AZIN2: variants seen among roughly 807,000 people sequenced by gnomAD.
The protein encoded by AZIN2 is ODC antizyme inhibitor-2.
A neutral mutation model predicts 47.8 loss-of-function variants in AZIN2; 28 were observed. The ratio of observed to expected loss-of-function variants is 0.59; its 90% CI spans 0.43 to 0.80. The LOEUF is 0.80. AZIN2 is among the 30% of genes least tolerant of loss of function. The probability of loss-of-function intolerance (pLI) is 0.00; values close to 1 mark genes in which losing one functional copy is unlikely to be tolerated. For missense variants in AZIN2, 535 were observed against 582.5 expected (o/e 0.92, Z 0.84); for synonymous variants, 221 against 239.4 (o/e 0.92, Z 0.71).
chr1:33,101,831 A>T lies in AZIN2; in HGVS notation c.1029+3652A>T, dbSNP rs544177933. On this transcript the variant is annotated intron_variant, in intron 10 of 11. Transcript: ENST00000294517. The stretch of plus-strand genomic sequence containing the variant: ...TTGGGCTTTTTCTCCCTCATATCAC[A>T]GTCTAAGAACCACTCACCCTGCTAC... 3.3e-5 allele frequency: 26 copies of T among 779,000 alleles called. 1 individual carries two copies. The East Asian group carries it at 5.8e-4, about 17-fold the overall frequency. The allele number at this position is 779,000 out of a possible 1,614,324, so 48.3% of individuals were successfully genotyped here.
At chr1:33,165,788 C>T in the AZIN2 span, 1 of 406,474 alleles carries the variant, frequency 2.5e-6, no homozygotes, top group Non-Finnish European at 4.4e-6. The surrounding 1 kb of genome is among the most constrained non-coding windows in gnomAD (Gnocchi z 4.0). Context: ...CAACAACCTC[C>T]TCCTCTTTGG....
At chr1:33,084,215 A>C (rs1641616606) in intron 5 of AZIN2, 88 bp downstream of exon 5, 1 of 1,520,296 alleles carries the variant, frequency 6.6e-7, no homozygotes, top group African/African-American at 1.4e-5. Context: ...CTGGGGAGCA[A>C]GAGGTACCTG....
intron 10 of AZIN2, among the ~76,000 whole-genome samples, chr1:33,098,451 T>C (rs930888753): frequency 6.6e-6 from 1 of 152,216 alleles, no homozygotes; most frequent in East Asian, 1.9e-4. Context: ...TCCATGCCAT[T>C]AACTGATCTT....
At chr1:33,110,140 G>A (rs776807298) in intron 10 of AZIN2, among the ~76,000 whole-genome samples, 1 of 152,158 alleles carries the variant, frequency 6.6e-6, no homozygotes, top group African/African-American at 2.4e-5. Flanking sequence ...TTTGATCTTG[G>A]TAGTGATTGG....
At chr1:33,099,192 AG>A (rs1005984090) in intron 10 of AZIN2, among the ~76,000 whole-genome samples, 3 of 152,094 alleles carry the variant, frequency 2.0e-5, no homozygotes, top group African/African-American at 7.2e-5. Context: ...GTTTTTCAAA[AG>A]TCAGTCAGAG....
At chr1:33,158,398 C>T in the AZIN2 span, 147 of 1,596,084 alleles carry the variant, frequency 9.2e-5, 1 homozygote, top group East Asian at 3.0e-3. Context: ...GGGGGCTGCA[C>T]CAGGGACTGG....
At chr1:33,133,080 G>T in the AZIN2 span, among the ~76,000 whole-genome samples, 1 of 152,254 alleles carries the variant, frequency 6.6e-6, no homozygotes. Flanking sequence ...GGCCCAGTGG[G>T]TCAGGAGAGA....
chr1:33,146,880 CCCT>C, the AZIN2 span: 1 of 436,028 alleles, frequency 2.3e-6, no homozygotes, highest in Non-Finnish European at 4.2e-6. Context: ...AGTCCCCTGC[CCCT>C]GAGAAGATGG....
At chr1:33,136,308 CTTTCTTTCTT>C in the AZIN2 span, among the ~76,000 whole-genome samples, 1 of 131,808 alleles carries the variant, frequency 7.6e-6, no homozygotes, top group Non-Finnish European at 1.7e-5. Context: ...CTTTTTCTTT[CTTTCTTTCTT>C]TTTCTTTCTT....
rs1644789310 is a variant in AZIN2, at chr1:33,121,300, AC to A, written c.*1119del. On this transcript the variant is annotated 3_prime_UTR_variant, in exon 12 of 12. Coordinates refer to ENST00000294517, the MANE Select transcript of AZIN2 (RefSeq NM_052998.4). The stretch of plus-strand genomic sequence containing the variant: ...TGCAGAAGCCTGGGTGCAGTGGCTC[AC>A]ACCTGTAATCCCAGCACTTTGGGAG... Among the ~76,000 whole-genome samples, 1 of 152,232 alleles carries A rather than the reference AC, an allele frequency of 6.6e-6. No homozygotes were observed. Among genetic ancestry groups the A allele is most frequent in the Non-Finnish European group, 1.5e-5 (1 of 68,040 alleles).
chr1:33,098,063 G>A lies in AZIN2; in HGVS notation c.917-4G>A. 6.2e-7 allele frequency: 1 copy of A among 1,611,136 alleles called. No individual in the cohort carries two copies. On this transcript the variant is annotated splice_region_variant and splice_polypyrimidine_tract_variant and intron_variant, in intron 9 of 11. Transcript: ENST00000294517. ...TGCTGCCTCTGAACCCTCCCCTCCT[G>A]CAGAGGAAAATGGTTCCACCTCCAA... is the stretch of plus-strand genomic sequence containing the variant.
the AZIN2 span, among the ~76,000 whole-genome samples, chr1:33,156,828 A>G: frequency 6.6e-6 from 1 of 152,114 alleles, no homozygotes; most frequent in Non-Finnish European, 1.5e-5. Flanking sequence ...GGCTGAAATA[A>G]TTACTATCTC....
At chr1:33,151,089 C>G in the AZIN2 span, among the ~76,000 whole-genome samples, 1 of 152,046 alleles carries the variant, frequency 6.6e-6, no homozygotes, top group Non-Finnish European at 1.5e-5. Flanking sequence ...ATGTGAGCCA[C>G]TTGTGGTGCC....
intron 10 of AZIN2, among the ~76,000 whole-genome samples, chr1:33,099,042 GGCACGA>G (rs1643442834): frequency 6.6e-6 from 1 of 152,116 alleles, no homozygotes; most frequent in Non-Finnish European, 1.5e-5. Flanking sequence ...TGGGATTACA[GGCACGA>G]GCCACCATGC....
chr1:33,152,164 A>G, the AZIN2 span, among the ~76,000 whole-genome samples: 1 of 152,220 alleles, frequency 6.6e-6, no homozygotes, highest in Admixed American at 6.5e-5. Flanking sequence ...CTCTGAGGTA[A>G]GTGGCTTGCT....
intron 6 of AZIN2, among the ~76,000 whole-genome samples, chr1:33,092,796 C>A (rs191402298): frequency 6.6e-6 from 1 of 152,242 alleles, no homozygotes; most frequent in East Asian, 1.9e-4. Flanking sequence ...TCGAAGGGGT[C>A]AGGGCTGGAC....
the AZIN2 span, chr1:33,165,455 C>G: frequency 6.3e-7 from 1 of 1,576,448 alleles, no homozygotes; most frequent in East Asian, 2.3e-5. This position sits in a 1 kb window ranked among gnomAD's most constrained non-coding sequence, Gnocchi z 4.0. Context: ...CACCTCCGCG[C>G]CCCGGCCAGG....
At chr1:33,110,352 T>C (rs1012268044) in intron 10 of AZIN2, among the ~76,000 whole-genome samples, 1 of 152,138 alleles carries the variant, frequency 6.6e-6, no homozygotes, top group African/African-American at 2.4e-5. Flanking sequence ...GAGCTCACAG[T>C]CAAAAATCAC....
the AZIN2 span, among the ~76,000 whole-genome samples, chr1:33,166,610 C>T: frequency 3.3e-5 from 5 of 152,076 alleles, no homozygotes; most frequent in South Asian, 4.2e-4. Context: ...AAGAAACTGG[C>T]CCCATAGCAT....
Sources: allele counts gnomAD v4.1 joint callset (sites outside exome capture counted in the v4.1 genomes callset), GRCh38; gene constraint gnomAD v4.1.1; non-coding constraint Gnocchi (gnomAD v3.1); transcripts MANE v1.5; gene names NCBI Gene and HGNC (gene_info 2026-07-23, HGNC 2026-07-21).